NYAP2: variants seen among roughly 807,000 people sequenced by gnomAD.
The protein encoded by NYAP2 is neuronal tyrosine-phosphorylated phosphoinositide-3-kinase adapter 2.
A neutral mutation model predicts 50.4 loss-of-function variants in NYAP2; 23 were observed. That is an observed-to-expected ratio of 0.46 (90% CI 0.33 to 0.65). The LOEUF (loss-of-function observed/expected upper bound fraction) is 0.65, where lower values mean the gene tolerates loss of function less well. Among genes scored for constraint, NYAP2 ranks in the 30% least tolerant of loss-of-function variants. NYAP2 has a pLI of 0.02. For missense variants in NYAP2, 885 were observed against 861.0 expected (o/e 1.03, Z -0.35); for synonymous variants, 394 against 365.2 (o/e 1.08, Z -0.90).
At chr2:225,610,260 T>C (rs1692856633) in intron 5 of NYAP2, among the ~76,000 whole-genome samples, 1 of 152,114 alleles carries the variant, frequency 6.6e-6, no homozygotes, top group African/African-American at 2.4e-5. Flanking sequence ...GCAGATTTGG[T>C]CTTTCTTGAG....
chr2:225,520,749 G>A (rs1213975067), intron 4 of NYAP2, among the ~76,000 whole-genome samples: 30 of 152,192 alleles, frequency 2.0e-4, no homozygotes, highest in African/African-American at 6.7e-4. Context: ...TTGACTTGGC[G>A]ATGCCGGCTC....
At chr2:225,425,602 C>T (rs908445079) in intron 3 of NYAP2, among the ~76,000 whole-genome samples, 1 of 152,160 alleles carries the variant, frequency 6.6e-6, no homozygotes, top group African/African-American at 2.4e-5. Flanking sequence ...TGTTGAGTTT[C>T]TGTTTGAAAA....
the NYAP2 span, among the ~76,000 whole-genome samples, chr2:225,661,771 C>T: frequency 6.6e-6 from 1 of 151,440 alleles, no homozygotes; most frequent in Non-Finnish European, 1.5e-5. Flanking sequence ...TCACCCAGGC[C>T]GGAGTGCAGT....
intron 5 of NYAP2, among the ~76,000 whole-genome samples, chr2:225,613,784 C>A (rs1230006346): frequency 1.3e-5 from 2 of 152,036 alleles, no homozygotes; most frequent in Non-Finnish European, 2.9e-5. Context: ...TTTTTAATAG[C>A]TCACTGTCTT....
intron 3 of NYAP2, among the ~76,000 whole-genome samples, chr2:225,450,273 C>A (rs569215420): frequency 6.6e-6 from 1 of 152,068 alleles, no homozygotes; most frequent in African/African-American, 2.4e-5. Flanking sequence ...TAGAAAATAC[C>A]CAGCTGGAAA....
chr2:225,600,549 T>C (rs1312817299), intron 5 of NYAP2, among the ~76,000 whole-genome samples: 1 of 152,166 alleles, frequency 6.6e-6, no homozygotes, highest in Non-Finnish European at 1.5e-5. Flanking sequence ...CATCTTACAC[T>C]CAGGAATGAA....
At chr2:225,416,916 C>T (rs1574603750) in intron 3 of NYAP2, among the ~76,000 whole-genome samples, 1 of 152,166 alleles carries the variant, frequency 6.6e-6, no homozygotes, top group East Asian at 1.9e-4. Context: ...ACCTTCCAAA[C>T]ATCCAACACC....
Position 225,582,513 on chromosome 2 carries a change from C to A in NYAP2, c.1096C>A (p.Leu366Met). ...TCTGGAGGTCACGAAGCTTCCCGTG[C>A]TGGAAAACGTGTCTTACATGAAACA... is the stretch of plus-strand genomic sequence containing the variant. The change falls in exon 5 of 7, where the codon CTG becomes ATG. Residue 366 changes from leucine to methionine, a missense_variant. Coordinates refer to ENST00000636099, the Ensembl canonical transcript of NYAP2. The surrounding 1 kb of genome is among the most constrained non-coding windows in gnomAD (Gnocchi z 7.0). 5 of 1,558,370 alleles carry A rather than the reference C, an allele frequency of 3.2e-6. No individual in the cohort carries two copies. Among genetic ancestry groups the A allele is most frequent in the Non-Finnish European group, 3.5e-6 (4 of 1,149,582 alleles).
At chr2:225,535,818 T>C (rs565411923) in intron 4 of NYAP2, among the ~76,000 whole-genome samples, 1 of 152,276 alleles carries the variant, frequency 6.6e-6, no homozygotes, top group South Asian at 2.1e-4. Context: ...AGTGCTACAT[T>C]TCCTATTGAA....
intron 4 of NYAP2, among the ~76,000 whole-genome samples, chr2:225,561,297 A>C (rs1559214826): frequency 6.6e-6 from 1 of 152,228 alleles, no homozygotes; most frequent in East Asian, 1.9e-4. Context: ...TGGGGGAAGC[A>C]CATTCCAGAC....
Position 225,582,422 on chromosome 2 carries a change from G to T in NYAP2, c.1005G>T (p.Pro335=), listed in dbSNP as rs1474403566. Residue 335 remains proline, a synonymous_variant, in exon 5 of 7, where the codon CCG becomes CCT. Transcript: ENST00000636099. This position sits in a 1 kb window ranked among gnomAD's most constrained non-coding sequence, Gnocchi z 7.0. ...CCAACCTGCTTTCTCACAGACCCCC[G>T]CTGCTGGTATTTCCCCCCGCCCCCG... 2 of 1,528,360 alleles carry T rather than the reference G, an allele frequency of 1.3e-6. No individual in the cohort carries two copies. The highest frequency in any genetic ancestry group is 8.8e-7 in the Non-Finnish European group (1 of 1,136,098). The allele number at this position is 1,528,360 out of a possible 1,614,324, so 94.7% of individuals were successfully genotyped here.
At chr2:225,415,990 G>C (rs1183613557) in intron 3 of NYAP2, among the ~76,000 whole-genome samples, 2 of 152,090 alleles carry the variant, frequency 1.3e-5, no homozygotes, top group Non-Finnish European at 2.9e-5. Flanking sequence ...GTGAATTTCT[G>C]ACCTAATTTT....
At chr2:225,457,342 A>C (rs188224250) in intron 3 of NYAP2, among the ~76,000 whole-genome samples, 11 of 152,152 alleles carry the variant, frequency 7.2e-5, no homozygotes, top group African/African-American at 2.7e-4. Context: ...TTTATGAGTA[A>C]ATTTCACCTT....
At chr2:225,532,051 A>G (rs1691263887) in intron 4 of NYAP2, among the ~76,000 whole-genome samples, 1 of 152,248 alleles carries the variant, frequency 6.6e-6, no homozygotes, top group South Asian at 2.1e-4. Context: ...ATTGAGATGC[A>G]ACAGAGAGCT....
rs534423234 is a variant in NYAP2 at position 225,540,569 on chromosome 2, C to T, written c.523+26897C>T. Among the ~76,000 whole-genome samples the T allele has an allele frequency of 2.2e-3, 340 of 152,306 alleles. 2 individuals carry two copies. The highest frequency in any genetic ancestry group is 6.8e-3 in the Middle Eastern group (2 of 294). ...TGACTCAATTACTTCCCACTTGGTC[C>T]CTTCCACAACACTTGGAAATTCAAG... On this transcript the variant is annotated intron_variant, in intron 4 of 6. Transcript: ENST00000636099.
chr2:225,447,367 C>G (rs556716146), intron 3 of NYAP2, among the ~76,000 whole-genome samples: 93 of 152,110 alleles, frequency 6.1e-4, no homozygotes, highest in Non-Finnish European at 1.2e-3. Context: ...TAATATCTAA[C>G]ATTATTTATG....
chr2:225,511,276 C>G (rs556819290), intron 3 of NYAP2, among the ~76,000 whole-genome samples: 7 of 150,084 alleles, frequency 4.7e-5, no homozygotes, highest in Non-Finnish European at 5.9e-5. Context: ...TTTTCACAAA[C>G]CACTCTGTTT....
At chr2:225,619,819 G>A (rs180776052) in intron 5 of NYAP2, among the ~76,000 whole-genome samples, 60 of 152,234 alleles carry the variant, frequency 3.9e-4, no homozygotes, top group African/African-American at 1.2e-3. Flanking sequence ...CCTAAACACT[G>A]TAACAAATTT....
chr2:225,568,186 A>G (rs2106220034), intron 4 of NYAP2, among the ~76,000 whole-genome samples: 1 of 152,268 alleles, frequency 6.6e-6, no homozygotes, highest in South Asian at 2.1e-4. Context: ...GCAAAATCTA[A>G]CTTGTGATTT....
Sources: allele counts gnomAD v4.1 joint callset (sites outside exome capture counted in the v4.1 genomes callset), GRCh38; gene constraint gnomAD v4.1.1; non-coding constraint Gnocchi (gnomAD v3.1); transcripts MANE v1.5; gene names NCBI Gene and HGNC (gene_info 2026-07-23, HGNC 2026-07-21).